DISC1: variants seen among roughly 807,000 people sequenced by gnomAD.
The protein encoded by DISC1 is disrupted in schizophrenia 1 protein.
DISC1 carries 57 observed loss-of-function variants against 84.5 expected under a neutral mutation model. The observed-to-expected ratio is 0.67, with a 90% confidence interval of 0.55 to 0.84. DISC1 has a LOEUF of 0.84. Among genes scored for constraint, DISC1 ranks in the 40% least tolerant of loss-of-function variants. The pLI is 0.00. For missense variants in DISC1, 1,000 were observed against 1,057.8 expected, an observed-to-expected ratio of 0.95 and a Z score of 0.76; for synonymous variants, 411 against 415.2, an observed-to-expected ratio of 0.99 and a Z score of 0.12.
chr1:232,004,997 T>TTTCC (rs1175005426), intron 10 of DISC1, among the ~76,000 whole-genome samples: 2 of 97,662 alleles, frequency 2.0e-5, no homozygotes, highest in African/African-American at 4.3e-5. Flanking sequence ...TCTTCTCTTC[T>TTTCC]TTCCTTCCTT....
chr1:231,924,750 G>T lies in DISC1; in HGVS notation c.1982-34078G>T, dbSNP rs1272881594. Among the ~76,000 whole-genome samples, 5 of 151,022 alleles carry T rather than the reference G, an allele frequency of 3.3e-5. No individual in the cohort carries two copies. The East Asian group carries it at 9.7e-4, about 29-fold the overall frequency. The stretch of plus-strand genomic sequence containing the variant: ...CTGCTCACTGCAACCTCCACCTCCC[G>T]GGTTCACGCCATTCTCCTGCCTCAG... On this transcript the variant is annotated intron_variant, in intron 9 of 12. Coordinates refer to ENST00000439617, the MANE Select transcript of DISC1 (RefSeq NM_018662.3).
intron 9 of DISC1, among the ~76,000 whole-genome samples, chr1:231,830,037 C>T (rs577765829): frequency 1.2e-4 from 18 of 152,220 alleles, no homozygotes; most frequent in African/African-American, 4.3e-4. Context: ...TGTGTACGTG[C>T]AGGTCACAGG....
At position 232,009,089 on chromosome 1, in the gene DISC1, T is replaced by C. The variant is rs756029647; in HGVS notation, c.2307+40T>C. On this transcript the variant is annotated intron_variant, in intron 11 of 12. Coordinates refer to ENST00000439617, the MANE Select transcript of DISC1 (RefSeq NM_018662.3). This position sits in a 1 kb window ranked among gnomAD's most constrained non-coding sequence, Gnocchi z 4.6. ...CATGGCCTCCAGAGGGGACCCTTAT[T>C]CTAAGGGGTGCTTTGGGACCATGCT... is the stretch of plus-strand genomic sequence containing the variant. 1.9e-6 allele frequency: 3 copies of C among 1,613,116 alleles called. No individual in the cohort carries two copies. The South Asian group carries it at 3.3e-5, about 18-fold the overall frequency.
At chr1:231,835,768 T>A (rs1574166003) in intron 9 of DISC1, among the ~76,000 whole-genome samples, 1 of 152,300 alleles carries the variant, frequency 6.6e-6, no homozygotes, top group East Asian at 1.9e-4. Flanking sequence ...GTGTGTGTAT[T>A]TGTGAAATTA....
At chr1:231,750,893 A>G (rs565974090) in intron 4 of DISC1, among the ~76,000 whole-genome samples, 2 of 152,260 alleles carry the variant, frequency 1.3e-5, no homozygotes, top group South Asian at 2.1e-4. Context: ...CCCACTTCCA[A>G]TTGGTCCTGA....
chr1:231,959,675 G>T (rs147324643), intron 10 of DISC1, among the ~76,000 whole-genome samples: 1 of 152,234 alleles, frequency 6.6e-6, no homozygotes, highest in South Asian at 2.1e-4. Flanking sequence ...GCCTTGCAGA[G>T]CCCTACTCTT....
chr1:231,662,103 G>A (rs1470966866), intron 1 of DISC1, among the ~76,000 whole-genome samples: 1 of 152,160 alleles, frequency 6.6e-6, no homozygotes, highest in Admixed American at 6.5e-5. Flanking sequence ...CAGCAAAGAT[G>A]GCTGCCAGCT....
At chr1:231,864,068 T>C (rs576101755) in intron 9 of DISC1, among the ~76,000 whole-genome samples, 4 of 152,294 alleles carry the variant, frequency 2.6e-5, no homozygotes, top group Middle Eastern at 3.4e-3. Flanking sequence ...TTGCAGAGTA[T>C]AGCCAGGTAG....
chr1:232,032,332 G>A (rs896395958), intron 12 of DISC1, among the ~76,000 whole-genome samples: 1 of 152,146 alleles, frequency 6.6e-6, no homozygotes, highest in Admixed American at 6.5e-5. Context: ...TATAAAAACA[G>A]AAGACTCCAT....
chr1:231,703,469 A>G (rs1393689788), intron 3 of DISC1, among the ~76,000 whole-genome samples: 2 of 152,184 alleles, frequency 1.3e-5, no homozygotes, highest in Non-Finnish European at 2.9e-5. Context: ...GAAGCTGCCC[A>G]CTATTGCACA....
chr1:231,986,983 T>C (rs1664535655), intron 10 of DISC1, among the ~76,000 whole-genome samples: 1 of 152,218 alleles, frequency 6.6e-6, no homozygotes, highest in South Asian at 2.1e-4. Flanking sequence ...ATAGCCATTA[T>C]TGGTTTTTGG....
chr1:231,636,890 A>C (rs1301682061), intron 1 of DISC1, among the ~76,000 whole-genome samples: 1 of 152,176 alleles, frequency 6.6e-6, no homozygotes, highest in African/African-American at 2.4e-5. Flanking sequence ...GCACCTATCA[A>C]CTTGTCATCT....
At chr1:231,679,482 A>G (rs1212212347) in intron 1 of DISC1, among the ~76,000 whole-genome samples, 1 of 152,240 alleles carries the variant, frequency 6.6e-6, no homozygotes, top group Non-Finnish European at 1.5e-5. Context: ...GCCACTTTGG[A>G]TACAAAAGCT....
At chr1:231,956,764 A>G (rs1340951818) in intron 9 of DISC1, among the ~76,000 whole-genome samples, 3 of 152,186 alleles carry the variant, frequency 2.0e-5, no homozygotes, top group African/African-American at 7.2e-5. Context: ...ACTCAGAGGC[A>G]CTAACCACCT....
chr1:231,844,819 C>T (rs1303565383), intron 9 of DISC1, among the ~76,000 whole-genome samples: 3 of 149,660 alleles, frequency 2.0e-5, no homozygotes, highest in Admixed American at 6.7e-5. Context: ...CCCAGCTACT[C>T]GGGAGGCTGA....
intron 4 of DISC1, among the ~76,000 whole-genome samples, chr1:231,765,750 A>T (rs1467295161): frequency 6.6e-6 from 1 of 152,222 alleles, no homozygotes. Flanking sequence ...ACTGTCACCA[A>T]ATATGTCAAC....
chr1:231,758,004 G>C (rs1475262665), intron 4 of DISC1, among the ~76,000 whole-genome samples: 1 of 151,894 alleles, frequency 6.6e-6, no homozygotes, highest in Non-Finnish European at 1.5e-5. Flanking sequence ...GAGGAGGGGT[G>C]GGGGTGGATA....
chr1:231,731,987 C>T (rs1459108517), intron 3 of DISC1, among the ~76,000 whole-genome samples: 1 of 152,150 alleles, frequency 6.6e-6, no homozygotes, highest in African/African-American at 2.4e-5. Context: ...CATCTTGCAA[C>T]TAGTAAAGAG....
At chr1:231,960,560 C>T (rs1660253091) in intron 10 of DISC1, among the ~76,000 whole-genome samples, 1 of 152,196 alleles carries the variant, frequency 6.6e-6, no homozygotes, top group South Asian at 2.1e-4. Flanking sequence ...CCACCTCCTT[C>T]TTTATATCAT....
Sources: allele counts gnomAD v4.1 joint callset (sites outside exome capture counted in the v4.1 genomes callset), GRCh38; gene constraint gnomAD v4.1.1; non-coding constraint Gnocchi (gnomAD v3.1); transcripts MANE v1.5; gene names NCBI Gene and HGNC (gene_info 2026-07-23, HGNC 2026-07-21).